TMEM266: variants seen among roughly 807,000 people sequenced by gnomAD.
The protein encoded by TMEM266 is transmembrane protein 266, also known as Hv1 related protein 1.
In TMEM266, 33 loss-of-function variants were observed where a neutral mutation model predicts 50.5. The observed-to-expected ratio is 0.65, with a 90% CI of 0.50 to 0.87. TMEM266 has a LOEUF of 0.87. Among genes scored for constraint, TMEM266 ranks in the 40% least tolerant of loss-of-function variants. The probability of loss-of-function intolerance (pLI) is 0.00; values close to 1 mark genes in which losing one functional copy is unlikely to be tolerated. For synonymous variants in TMEM266, 310 were observed against 292.3 expected, an observed-to-expected ratio of 1.06 and a Z score of -0.62; for missense variants, 655 against 695.1, an observed-to-expected ratio of 0.94 and a Z score of 0.65.
intron 1 of TMEM266, among the ~76,000 whole-genome samples, chr15:76,099,181 G>C (rs1192445420): frequency 6.6e-6 from 1 of 152,232 alleles, no homozygotes; most frequent in Non-Finnish European, 1.5e-5. Flanking sequence ...TGGCCACCCA[G>C]TTTTGTGCTC....
At chr15:76,150,094 C>CT (rs2037815076) in intron 3 of TMEM266, among the ~76,000 whole-genome samples, 1 of 152,188 alleles carries the variant, frequency 6.6e-6, no homozygotes, top group South Asian at 2.1e-4. Flanking sequence ...AACCTGGAGC[C>CT]TGGGTATCCT....
intron 7 of TMEM266, among the ~76,000 whole-genome samples, chr15:76,172,067 T>A (rs2038196854): frequency 1.3e-5 from 2 of 152,140 alleles, no homozygotes; most frequent in South Asian, 4.1e-4. Flanking sequence ...CTCAGCCAGA[T>A]AAGGAACAGA....
rs575283220 is a variant in TMEM266, at chr15:76,111,048, G to A, written c.-96-23120G>A. On this transcript the variant is annotated intron_variant, in intron 1 of 10. Transcript: ENST00000388942. ...TCACTGCTGATGGGAATGCAAAATGGAACAGCCACTTTGGAAGACACACTT... is the reference window on the plus strand; with the variant it reads ...TCACTGCTGATGGGAATGCAAAATGAAACAGCCACTTTGGAAGACACACTT... Among the ~76,000 whole-genome samples, 18 of 151,608 alleles carry A rather than the reference G, an allele frequency of 1.2e-4. 1 individual carries two copies. The East Asian group carries it at 3.5e-3, about 29-fold the overall frequency.
At chr15:76,060,847 G>A (rs540782817) in intron 1 of TMEM266, among the ~76,000 whole-genome samples, 1 of 152,300 alleles carries the variant, frequency 6.6e-6, no homozygotes, top group African/African-American at 2.4e-5. Flanking sequence ...CCAATACTGA[G>A]CTAGCAATAG....
chr15:76,149,036 T>C (rs1167667057), intron 3 of TMEM266, among the ~76,000 whole-genome samples: 1 of 152,044 alleles, frequency 6.6e-6, no homozygotes, highest in African/African-American at 2.4e-5. Flanking sequence ...CATCTCAGAG[T>C]CTGTGTGCTG....
At chr15:76,198,112 A>G (rs2038682248) in intron 9 of TMEM266, among the ~76,000 whole-genome samples, 1 of 152,108 alleles carries the variant, frequency 6.6e-6, no homozygotes, top group African/African-American at 2.4e-5. Flanking sequence ...TCATGATCTC[A>G]GGGACTCTTT....
At chr15:76,085,030 G>T (rs1289439541) in intron 1 of TMEM266, among the ~76,000 whole-genome samples, 2 of 151,040 alleles carry the variant, frequency 1.3e-5, no homozygotes, top group African/African-American at 4.9e-5. Flanking sequence ...CGCGATCTCG[G>T]CTCACTACAA....
At chr15:76,174,078 C>A (rs1200889065) in intron 7 of TMEM266, among the ~76,000 whole-genome samples, 1 of 152,200 alleles carries the variant, frequency 6.6e-6, no homozygotes, top group African/African-American at 2.4e-5. Context: ...ACTTAGCCTA[C>A]TTTTCAAAGC....
At chr15:76,136,882 A>G (rs2037597737) in intron 2 of TMEM266, among the ~76,000 whole-genome samples, 1 of 152,204 alleles carries the variant, frequency 6.6e-6, no homozygotes, top group South Asian at 2.1e-4. Flanking sequence ...AACCGTGGTC[A>G]TGGTGGCAAC....
At chr15:76,134,007 T>C (rs772684465) in intron 1 of TMEM266, among the ~76,000 whole-genome samples, 161 bp from the exon 2 acceptor site, 1 of 152,186 alleles carries the variant, frequency 6.6e-6, no homozygotes, top group Non-Finnish European at 1.5e-5. Flanking sequence ...AAATTATGCT[T>C]ATTATTACTC....
intron 10 of TMEM266, among the ~76,000 whole-genome samples, chr15:76,203,338 A>C (rs2142094011): frequency 6.6e-6 from 1 of 152,284 alleles, no homozygotes; most frequent in South Asian, 2.1e-4. Flanking sequence ...ACAAAAGCCC[A>C]CTGTAGGTTG....
chr15:76,115,748 C>T (rs893764536), intron 1 of TMEM266, among the ~76,000 whole-genome samples: 1 of 151,962 alleles, frequency 6.6e-6, no homozygotes, highest in Non-Finnish European at 1.5e-5. Flanking sequence ...GGGCGCTTTT[C>T]GTATTTGTGG....
At chr15:76,166,242 A>G (rs909928529) in intron 5 of TMEM266, among the ~76,000 whole-genome samples, 1 of 152,088 alleles carries the variant, frequency 6.6e-6, no homozygotes, top group Non-Finnish European at 1.5e-5. Flanking sequence ...GCGGGGGGGA[A>G]AAGCCAGCAG....
chr15:76,062,453 G>A (rs77687121), intron 1 of TMEM266, among the ~76,000 whole-genome samples: 1,593 of 152,314 alleles, frequency 0.01, 34 homozygotes, highest in African/African-American at 0.036. Context: ...TTTAGGAGGA[G>A]CACATTCCCT....
intron 1 of TMEM266, among the ~76,000 whole-genome samples, chr15:76,116,488 CT>C (rs2037248845): frequency 6.6e-6 from 1 of 152,064 alleles, no homozygotes; most frequent in African/African-American, 2.4e-5. Flanking sequence ...GTCCCTCCCC[CT>C]CTCCTCCTCT....
At chr15:76,116,225 G>A (rs1596114150) in intron 1 of TMEM266, among the ~76,000 whole-genome samples, 2 of 151,908 alleles carry the variant, frequency 1.3e-5, no homozygotes, top group African/African-American at 2.4e-5. Context: ...TCCAAGCTCC[G>A]GGAGACACAC....
rs564636990 is a variant in TMEM266, at chr15:76,196,931, C to G, written c.958+4774C>G. ...CCTGTGTAGTCATTAATACTTCTCT[C>G]CCAAATTTATTAGTCTTGAAGCTCG... On this transcript the variant is annotated intron_variant, in intron 9 of 10. Coordinates refer to ENST00000388942, the MANE Select transcript of TMEM266 (RefSeq NM_152335.3). Among the ~76,000 whole-genome samples the G allele has an allele frequency of 5.9e-5, 9 of 152,352 alleles. No homozygotes were observed. The East Asian group carries it at 1.7e-3, about 29-fold the overall frequency.
At chr15:76,072,778 C>T (rs538174887) in intron 1 of TMEM266, among the ~76,000 whole-genome samples, 1 of 151,874 alleles carries the variant, frequency 6.6e-6, no homozygotes, top group African/African-American at 2.4e-5. Flanking sequence ...GCTGGGATTA[C>T]ATGTGCACAC....
intron 10 of TMEM266, 68 bp downstream of exon 10, chr15:76,202,332 C>T (rs1002017686): frequency 4.2e-5 from 60 of 1,427,644 alleles, no homozygotes; most frequent in Middle Eastern, 3.6e-4. Context: ...AGAGACAACT[C>T]GGCCTGGCTT....
Sources: allele counts gnomAD v4.1 joint callset (sites outside exome capture counted in the v4.1 genomes callset), GRCh38; gene constraint gnomAD v4.1.1; transcripts MANE v1.5; gene names NCBI Gene and HGNC (gene_info 2026-07-23, HGNC 2026-07-21).